Variants in DYNC1H1 observed in about 807,000 individuals in gnomAD.
DYNC1H1 encodes cytoplasmic dynein 1 heavy chain 1.
A neutral mutation model predicts 527.1 loss-of-function variants in DYNC1H1; 51 were observed. The ratio of observed to expected loss-of-function variants is 0.10; its 90% CI spans 0.08 to 0.12. DYNC1H1 has a LOEUF of 0.12. Among genes scored for constraint, DYNC1H1 ranks in the 10% least tolerant of loss-of-function variants. The pLI, the probability that DYNC1H1 is intolerant of heterozygous loss-of-function variation, is 1.00. For missense variants in DYNC1H1, 2,771 were observed against 5,971.8 expected (o/e 0.46, Z 17.66); for synonymous variants, 2,189 against 2,278.8 (o/e 0.96, Z 1.12).
intron 44 of DYNC1H1, 115 bp downstream of exon 44, chr14:102,026,822 C>T: frequency 6.9e-7 from 1 of 1,456,362 alleles, no homozygotes; most frequent in Non-Finnish European, 9.4e-7. Context: ...TCAGCCTTCT[C>T]CACCAAGCAG....
Position 101,964,581 on chromosome 14 carries a change from GT to G in DYNC1H1, c.-110del. ...CGGCTCCCGCTCTCCTCAGTCTGCGGTGGGCTAGCGGACGGTCCGGCTTCCG... is the reference window on the plus strand; with the variant it reads ...CGGCTCCCGCTCTCCTCAGTCTGCGGGGGCTAGCGGACGGTCCGGCTTCCG... On this transcript the variant is annotated 5_prime_UTR_variant, in exon 1 of 78. Coordinates refer to ENST00000360184, the MANE Select transcript of DYNC1H1 (RefSeq NM_001376.5). The surrounding 1 kb of genome is among the most constrained non-coding windows in gnomAD (Gnocchi z 5.5). 1 of 1,520,216 alleles carries G rather than the reference GT, an allele frequency of 6.6e-7. No homozygotes were observed. Among genetic ancestry groups the G allele is most frequent in the Non-Finnish European group, 8.8e-7 (1 of 1,138,338 alleles). 94.2% of individuals were successfully genotyped at this position (1,520,216 alleles called of 1,614,324 possible). A position where few individuals can be genotyped will look rare whatever the true frequency, so the allele number is the denominator to read the frequency against.
intron 56 of DYNC1H1, 54 bp downstream of exon 56, chr14:102,034,506 G>A: frequency 6.2e-7 from 1 of 1,611,012 alleles, no homozygotes; most frequent in Non-Finnish European, 8.5e-7. Flanking sequence ...TGGTGATCTT[G>A]AATTTTTTTC....
chr14:102,005,867 A>C lies in DYNC1H1; in HGVS notation c.5434-21A>C. On this transcript the variant is annotated intron_variant, in intron 26 of 77. Transcript: ENST00000360184. This position sits in a 1 kb window ranked among gnomAD's most constrained non-coding sequence, Gnocchi z 4.0. ...ATTGCTTTAGTGTAGATGAACTTTT[A>C]AAGTGACTCTCTTTCTTCAGATTAC... 6.2e-7 allele frequency: 1 copy of C among 1,613,934 alleles called. No individual in the cohort carries two copies. Among genetic ancestry groups the C allele is most frequent in the South Asian group, 1.1e-5 (1 of 91,058 alleles).
rs555847149 is a variant in DYNC1H1 at position 102,042,561 on chromosome 14, G to A, written c.12399+54G>A. On this transcript the variant is annotated intron_variant, in intron 68 of 77. Transcript: ENST00000360184. This position sits in a 1 kb window ranked among gnomAD's most constrained non-coding sequence, Gnocchi z 5.7. ...CAGGCTGGCCTGGCACTGTGCTGTC[G>A]GCACGTGTGTGGTGGAATTGAACAG... 40 of 1,613,658 alleles carry A rather than the reference G, an allele frequency of 2.5e-5. No individual in the cohort carries two copies. The African/African-American group carries it at 3.6e-4, about 15-fold the overall frequency.
chr14:102,049,621 T>C lies in DYNC1H1; in HGVS notation c.13515+39T>C, dbSNP rs775460169. 9 of 1,613,070 alleles carry C rather than the reference T, an allele frequency of 5.6e-6. No homozygotes were observed. The South Asian group carries it at 9.9e-5, about 18-fold the overall frequency. On this transcript the variant is annotated intron_variant, in intron 75 of 77. Coordinates refer to ENST00000360184, the MANE Select transcript of DYNC1H1 (RefSeq NM_001376.5). This position sits in a 1 kb window ranked among gnomAD's most constrained non-coding sequence, Gnocchi z 5.5. ...TGACGAGTCTCGGGTGGTCAGCAGC[T>C]GTCCTGGGCTGGGGTGGGAGTGGCT...
intron 23 of DYNC1H1, 108 bp from the exon 24 acceptor site, chr14:102,004,410 C>T (rs558618200): frequency 2.3e-6 from 3 of 1,296,488 alleles, no homozygotes; most frequent in Admixed American, 5.2e-5. Context: ...TGGAGATTGC[C>T]ACCACCAGAC....
At position 102,016,236 on chromosome 14, in the gene DYNC1H1, T is replaced by G; in HGVS notation, c.7474-113T>G. ...GGGGCTAGGAAAGGTGCAGTGGGTG[T>G]CTGTGATGCAAGAAGACTGGGAACC... On this transcript the variant is annotated intron_variant, in intron 36 of 77. Transcript: ENST00000360184. This position sits in a 1 kb window ranked among gnomAD's most constrained non-coding sequence, Gnocchi z 7.3. 4 of 1,516,254 alleles carry G rather than the reference T, an allele frequency of 2.6e-6. No individual in the cohort carries two copies. The South Asian group carries it at 4.7e-5, about 18-fold the overall frequency. The allele number at this position is 1,516,254 out of a possible 1,614,324, so 93.9% of individuals were successfully genotyped here.
chr14:102,005,106 G>T lies in DYNC1H1; in HGVS notation c.5303G>T (p.Ser1768Ile), dbSNP rs1470753138. ...GAGAACGTGGAGACCGCACTGAGCA[G>T]CATGGGCGGAGGTGGAGATGCCGCG... Reference protein sequence around the residue: ...WSENVETALSSMGGGGDAAPL... With the variant: ...WSENVETALSIMGGGGDAAPL... The change falls in exon 26 of 78, where the codon AGC (serine) becomes ATC (isoleucine). Residue 1768 changes from serine (S) to isoleucine (I), a missense_variant. Ser to Ile is a moderately radical substitution (Grantham distance 142, BLOSUM62 -2). Around this residue, in one of 32 missense-constraint regions of DYNC1H1, gnomAD observed 105 missense variants for 138.1 expected, o/e 0.76. Transcript: ENST00000360184. This position sits in a 1 kb window ranked among gnomAD's most constrained non-coding sequence, Gnocchi z 4.0. 6.2e-7 allele frequency: 1 copy of T among 1,614,220 alleles called. No homozygotes were observed. Among genetic ancestry groups the T allele is most frequent in the Non-Finnish European group, 8.5e-7 (1 of 1,180,042 alleles).
In DYNC1H1 at chr14:102,006,113, C is replaced by A. The variant is rs748999002; in HGVS notation, c.5659C>A (p.Arg1887Ser). 3 of 1,614,070 alleles carry A rather than the reference C, an allele frequency of 1.9e-6. No homozygotes were observed. Among genetic ancestry groups the A allele is most frequent in the Non-Finnish European group, 1.7e-6 (2 of 1,180,046 alleles). Reference sequence around the variant, plus strand: ...ACTGGTCCAGACCCCCCTCACTGACCGCTGCTATTTGACAATGACACAAGC... The same window carrying A: ...ACTGGTCCAGACCCCCCTCACTGACAGCTGCTATTTGACAATGACACAAGC... ...DKLVQTPLTD[R>S]CYLTMTQALE... Residue 1887 changes from arginine to serine, a missense_variant, in exon 27 of 78, where the codon CGC becomes AGC. Physicochemically the swap from Arg to Ser is moderately radical, Grantham distance 110. Coordinates refer to ENST00000360184, the MANE Select transcript of DYNC1H1 (RefSeq NM_001376.5).
At chr14:101,970,574 C>G (rs944990398) in intron 1 of DYNC1H1, among the ~76,000 whole-genome samples, 1 of 150,608 alleles carries the variant, frequency 6.6e-6, no homozygotes, top group Non-Finnish European at 1.5e-5. Flanking sequence ...CCCCCGCCTC[C>G]TGGGTTCAAG....
Position 102,011,650 on chromosome 14 carries a change from A to T in DYNC1H1, c.6619-225A>T. On this transcript the variant is annotated intron_variant, in intron 32 of 77. Transcript: ENST00000360184. This position sits in a 1 kb window ranked among gnomAD's most constrained non-coding sequence, Gnocchi z 5.3. ...GCTTGTAAAGCCAGCTACTTGGGAG[A>T]GTGAGGAAGGAGAATCACTTGAACC... is the stretch of plus-strand genomic sequence containing the variant. 1 of 561,176 alleles carries T rather than the reference A, an allele frequency of 1.8e-6. No homozygotes were observed. Among genetic ancestry groups the T allele is most frequent in the Non-Finnish European group, 3.2e-6 (1 of 313,158 alleles). 34.8% of individuals were successfully genotyped at this position (561,176 alleles called of 1,614,324 possible).
At chr14:102,047,669 A>C (rs2048744886) in intron 72 of DYNC1H1, 148 bp from the exon 73 acceptor site, 1 of 656,108 alleles carries the variant, frequency 1.5e-6, no homozygotes, top group Non-Finnish European at 2.7e-6. Context: ...ATATATGTAC[A>C]CACGGCTGAG....
chr14:101,973,451 C>T (rs1399550487), intron 1 of DYNC1H1, among the ~76,000 whole-genome samples: 2 of 152,050 alleles, frequency 1.3e-5, no homozygotes, highest in East Asian at 3.8e-4. Context: ...TGAGCCACCG[C>T]GCCTGGCCAG....
intron 43 of DYNC1H1, chr14:102,023,803 C>T (rs1002842064): frequency 6.6e-6 from 1 of 152,224 alleles, no homozygotes; most frequent in Non-Finnish European, 1.5e-5. Context: ...GGTCACGCCA[C>T]TGCACTCCAG....
Position 102,005,310 on chromosome 14 carries a change from A to C in DYNC1H1, c.5433+74A>C. On this transcript the variant is annotated intron_variant, in intron 26 of 77. Transcript: ENST00000360184. This position sits in a 1 kb window ranked among gnomAD's most constrained non-coding sequence, Gnocchi z 4.0. Reference sequence around the variant, plus strand: ...TCAACCACACAGTTAAATGGAAATCATGCTTGAAAAAGGTTTCAGGTAGTA... The same window carrying C: ...TCAACCACACAGTTAAATGGAAATCCTGCTTGAAAAAGGTTTCAGGTAGTA... The C allele has an allele frequency of 1.9e-6, 3 of 1,590,340 alleles. No individual in the cohort carries two copies. The highest frequency in any genetic ancestry group is 1.7e-6 in the Non-Finnish European group (2 of 1,161,558).
At chr14:102,008,513 C>T (rs940699423) in intron 29 of DYNC1H1, among the ~76,000 whole-genome samples, 176 bp downstream of exon 29, 1 of 152,094 alleles carries the variant, frequency 6.6e-6, no homozygotes, top group African/African-American at 2.4e-5. Flanking sequence ...CCAGGCCAGG[C>T]GTAGTGGCTC....
intron 34 of DYNC1H1, among the ~76,000 whole-genome samples, chr14:102,014,487 G>A (rs1469543585): frequency 6.7e-6 from 1 of 150,086 alleles, no homozygotes; most frequent in Non-Finnish European, 1.5e-5. Context: ...CTGAGATCAC[G>A]CCATTGCATT....
rs1371754614 is a variant in DYNC1H1 at position 102,038,202 on chromosome 14, C to T, written c.10909-258C>T. On this transcript the variant is annotated intron_variant, in intron 57 of 77. Coordinates refer to ENST00000360184, the MANE Select transcript of DYNC1H1 (RefSeq NM_001376.5). The surrounding 1 kb of genome is among the most constrained non-coding windows in gnomAD (Gnocchi z 7.2). ...CCATGTTGGCCAGTCTGGTCTCGAA[C>T]TCCTGACCTCAAGTGATCTGCCTGC... 3 of 505,460 alleles carry T rather than the reference C, an allele frequency of 5.9e-6. No individual in the cohort carries two copies. In the Admixed American group the frequency reaches 8.6e-5, roughly 14 times the overall value. The allele number at this position is 505,460 out of a possible 1,614,324, so 31.3% of individuals were successfully genotyped here.
Position 102,017,655 on chromosome 14 carries a change from C to A in DYNC1H1, c.8177+151C>A. The A allele has an allele frequency of 7.2e-7, 1 of 1,392,824 alleles. No individual in the cohort carries two copies. The highest frequency in any genetic ancestry group is 1.2e-5 in the South Asian group (1 of 82,652). 86.3% of individuals were successfully genotyped at this position (1,392,824 alleles called of 1,614,324 possible). On this transcript the variant is annotated intron_variant, in intron 40 of 77. Transcript: ENST00000360184. The surrounding 1 kb of genome is among the most constrained non-coding windows in gnomAD (Gnocchi z 4.6). ...TGGGTTACTTCTCTGTGCTGTAATGCCAGGAAAACATGTTAAAAATAAAAG... is the reference window on the plus strand; with the variant it reads ...TGGGTTACTTCTCTGTGCTGTAATGACAGGAAAACATGTTAAAAATAAAAG...
Sources: allele counts gnomAD v4.1 joint callset (sites outside exome capture counted in the v4.1 genomes callset), GRCh38; gene constraint gnomAD v4.1.1; regional missense constraint gnomAD v4.1.1; non-coding constraint Gnocchi (gnomAD v3.1); transcripts MANE v1.5; gene names NCBI Gene and HGNC (gene_info 2026-07-23, HGNC 2026-07-21).